Variants in CTNND2 observed in about 807,000 individuals in gnomAD.
The protein encoded by CTNND2 is catenin delta-2.
Under a neutral mutation model 144.4 loss-of-function variants are expected in CTNND2, and 22 were observed. The observed-to-expected ratio is 0.15, with a 90% CI of 0.11 to 0.22. CTNND2 has a LOEUF of 0.22. CTNND2 is among the 10% of genes least tolerant of loss of function. The pLI, the probability that CTNND2 is intolerant of heterozygous loss-of-function variation, is 1.00. For synonymous variants in CTNND2, 751 were observed against 695.6 expected (o/e 1.08, Z -1.25); for missense variants, 1,353 against 1,618.8 (o/e 0.84, Z 2.82).
intron 3 of CTNND2, among the ~76,000 whole-genome samples, chr5:11,510,620 CA>C (rs1209794218): frequency 6.6e-6 from 1 of 152,120 alleles, no homozygotes; most frequent in East Asian, 1.9e-4. Context: ...AACAGAAAAG[CA>C]AACACACTCA....
At chr5:11,773,567 A>C (rs1790066261) in intron 1 of CTNND2, among the ~76,000 whole-genome samples, 1 of 152,190 alleles carries the variant, frequency 6.6e-6, no homozygotes, top group African/African-American at 2.4e-5. Flanking sequence ...TAATCCCAGT[A>C]CACTGGGAGG....
intron 3 of CTNND2, among the ~76,000 whole-genome samples, chr5:11,553,026 C>A (rs572241267): frequency 3.3e-5 from 5 of 152,248 alleles, no homozygotes; most frequent in African/African-American, 1.2e-4. Flanking sequence ...GAGGAATAAG[C>A]GTGCATGATT....
At chr5:11,357,665 T>C (rs1034989161) in intron 8 of CTNND2, among the ~76,000 whole-genome samples, 2 of 152,070 alleles carry the variant, frequency 1.3e-5, no homozygotes, top group African/African-American at 4.8e-5. Context: ...TATTACAGAA[T>C]AGCTAGAAGA....
chr5:11,843,799 CAG>C (rs2126988532), intron 1 of CTNND2, among the ~76,000 whole-genome samples: 1 of 152,134 alleles, frequency 6.6e-6, no homozygotes, highest in Admixed American at 6.5e-5. Context: ...TCAATAAAAT[CAG>C]AAAAAAACTC....
At chr5:11,512,525 T>G (rs1004859042) in intron 3 of CTNND2, among the ~76,000 whole-genome samples, 1 of 152,268 alleles carries the variant, frequency 6.6e-6, no homozygotes, top group Non-Finnish European at 1.5e-5. Context: ...CTGGTTATCA[T>G]GTATTTGTGC....
intron 2 of CTNND2, among the ~76,000 whole-genome samples, chr5:11,623,816 A>ATATATATATATATATATATATG (rs1781001797): frequency 1.8e-5 from 1 of 54,948 alleles, no homozygotes; most frequent in East Asian, 3.9e-4. Context: ...ATGTATATAT[A>ATATATATATATATATATATATG]TATATATATA....
rs543618739 is a variant in CTNND2 at position 11,786,236 on chromosome 5, C to T, written c.38-53964G>A. Among the ~76,000 whole-genome samples, 59 of 152,332 alleles carry T rather than the reference C, an allele frequency of 3.9e-4. No individual in the cohort carries two copies. In the South Asian group the frequency reaches 0.012, roughly 30 times the overall value. ...TCTCAGTAATCACAATTCACTTCTA[C>T]AACTGTCATAATTCCATTTTAGAAA... On this transcript the variant is annotated intron_variant, in intron 1 of 21. Coordinates refer to ENST00000304623, the MANE Select transcript of CTNND2 (RefSeq NM_001332.4).
At chr5:11,836,221 A>G (rs1362432553) in intron 1 of CTNND2, among the ~76,000 whole-genome samples, 5 of 152,200 alleles carry the variant, frequency 3.3e-5, no homozygotes, top group Non-Finnish European at 7.4e-5. Context: ...GTTTTTATAC[A>G]TAATTTATAA....
intron 9 of CTNND2, among the ~76,000 whole-genome samples, chr5:11,261,276 A>G (rs1347826816): frequency 2.6e-5 from 4 of 152,284 alleles, no homozygotes. Flanking sequence ...TCTAGGCCAG[A>G]TCTCTTGGTC....
chr5:11,227,296 C>G, intron 10 of CTNND2, among the ~76,000 whole-genome samples: 1 of 152,202 alleles, frequency 6.6e-6, no homozygotes, highest in East Asian at 1.9e-4. Context: ...AGTCTCAACG[C>G]AGTTTCATAG....
intron 13 of CTNND2, among the ~76,000 whole-genome samples, chr5:11,116,132 C>T (rs184796648): frequency 8.5e-5 from 13 of 152,288 alleles, no homozygotes; most frequent in African/African-American, 2.9e-4. Flanking sequence ...GTTAGGAGGA[C>T]TGCAATAGGG....
intron 20 of CTNND2, among the ~76,000 whole-genome samples, chr5:10,982,583 T>C (rs1206701042): frequency 6.6e-6 from 1 of 152,262 alleles, no homozygotes; most frequent in East Asian, 1.9e-4. Context: ...TCACAGCTGC[T>C]GAAGGGTCAT....
intron 21 of CTNND2, among the ~76,000 whole-genome samples, chr5:10,976,354 A>G (rs1736484922): frequency 6.6e-6 from 1 of 152,202 alleles, no homozygotes. Context: ...CTCCTCACAT[A>G]AGAGCTAAAA....
intron 2 of CTNND2, among the ~76,000 whole-genome samples, chr5:11,591,674 A>T (rs568895604): frequency 2.6e-5 from 4 of 152,210 alleles, no homozygotes; most frequent in African/African-American, 9.6e-5. Flanking sequence ...GTTACAAAAA[A>T]ATTGTTAACT....
chr5:11,253,168 C>CT (rs1417239189), intron 9 of CTNND2, among the ~76,000 whole-genome samples: 1 of 152,120 alleles, frequency 6.6e-6, no homozygotes, highest in Non-Finnish European at 1.5e-5. Context: ...TACACCTCTC[C>CT]TTTTCTTTTC....
intron 16 of CTNND2, among the ~76,000 whole-genome samples, chr5:11,061,716 C>CTTT (rs562338338): frequency 0.024 from 3,515 of 148,700 alleles, 144 homozygotes; most frequent in African/African-American, 0.082. Flanking sequence ...TTTTCTTTCT[C>CTTT]TTTTTTTTTT....
intron 2 of CTNND2, among the ~76,000 whole-genome samples, chr5:11,719,628 T>C (rs1033987021): frequency 9.9e-5 from 15 of 152,206 alleles, no homozygotes; most frequent in African/African-American, 3.6e-4. Context: ...AGCGATGAAA[T>C]ACTAATAAGT....
intron 11 of CTNND2, among the ~76,000 whole-genome samples, chr5:11,186,410 T>C (rs1042737195): frequency 1.3e-5 from 2 of 152,190 alleles, no homozygotes; most frequent in African/African-American, 2.4e-5. Flanking sequence ...GGAAATTTCT[T>C]CTATATCCAG....
chr5:11,730,040 A>G (rs1178098065), intron 2 of CTNND2, among the ~76,000 whole-genome samples: 1 of 152,064 alleles, frequency 6.6e-6, no homozygotes, highest in African/African-American at 2.4e-5. Flanking sequence ...TCTCACCAAC[A>G]TTAGGAAGTC....
Sources: allele counts gnomAD v4.1 joint callset (sites outside exome capture counted in the v4.1 genomes callset), GRCh38; gene constraint gnomAD v4.1.1; transcripts MANE v1.5; gene names NCBI Gene and HGNC (gene_info 2026-07-23, HGNC 2026-07-21).